ALG14: variants seen among roughly 807,000 people sequenced by gnomAD.
ALG14 encodes ALG14 UDP-N-acetylglucosaminyltransferase subunit.
ALG14 carries 17 observed loss-of-function variants against 22.8 expected under a neutral mutation model. That is an observed-to-expected ratio of 0.75 (90% CI 0.51 to 1.12). ALG14 has a LOEUF of 1.12. Among genes scored for constraint, ALG14 ranks in the 50% most tolerant of loss-of-function variants. The pLI, the probability that ALG14 is intolerant of heterozygous loss-of-function variation, is 0.00. For synonymous variants in ALG14, 89 were observed against 103.7 expected, an observed-to-expected ratio of 0.86 and a Z score of 0.86; for missense variants, 288 against 271.8, an observed-to-expected ratio of 1.06 and a Z score of -0.42.
At chr1:95,067,418 G>A (rs1412060883) in intron 1 of ALG14, 1 of 152,216 alleles carries the variant, frequency 6.6e-6, no homozygotes, top group Non-Finnish European at 1.5e-5. Flanking sequence ...CTCGGCATGT[G>A]TGTTCCACAC....
chr1:95,026,916 C>T lies in ALG14; in HGVS notation c.420+213G>A, dbSNP rs149850028. ...CTATTTCAGGTGCTATAATGAGATA[C>T]GATAAACTGGGTGGCTTATAAAGAA... On this transcript the variant is annotated intron_variant, in intron 3 of 3. Coordinates refer to ENST00000370205, the MANE Select transcript of ALG14 (RefSeq NM_144988.4). 4.2e-3 allele frequency among the ~76,000 whole-genome samples: 645 copies of T among 152,220 alleles called. 2 individuals carry two copies. Among genetic ancestry groups the T allele is most frequent in the African/African-American group, 0.015 (612 of 41,510 alleles).
chr1:95,064,523 T>C (rs1675284789), intron 2 of ALG14, among the ~76,000 whole-genome samples: 1 of 152,198 alleles, frequency 6.6e-6, no homozygotes, highest in African/African-American at 2.4e-5. Flanking sequence ...GCCTTTTCTG[T>C]GTCTATTGAG....
Position 94,975,999 on chromosome 1 carries a change from A to C in ALG14, c.*7077T>G, listed in dbSNP as rs1438753740. ...GCCACTGCACTTCAGCCTGGGCAACAGAGCGAGACTCTGTCTCAAAAAAAA... is the reference window on the plus strand; with the variant it reads ...GCCACTGCACTTCAGCCTGGGCAACCGAGCGAGACTCTGTCTCAAAAAAAA... On this transcript the variant is annotated 3_prime_UTR_variant, in exon 4 of 4. Transcript: ENST00000370205. 7.0e-6 allele frequency: 1 copy of C among 143,152 alleles called. No homozygotes were observed. Among genetic ancestry groups the C allele is most frequent in the Non-Finnish European group, 1.5e-5 (1 of 66,970 alleles). The allele number at this position is 143,152 out of a possible 1,614,324, so 8.9% of individuals were successfully genotyped here. A position where few individuals can be genotyped will look rare whatever the true frequency, so the allele number is the denominator to read the frequency against.
chr1:94,980,810 T>C lies in ALG14; in HGVS notation c.*2266A>G, dbSNP rs914499988. The stretch of plus-strand genomic sequence containing the variant: ...TGAAAGATATAACATTTCTAAACTT[T>C]TGGTGATATAACACATACACATTCT... On this transcript the variant is annotated 3_prime_UTR_variant, in exon 4 of 4. Transcript: ENST00000370205. The C allele has an allele frequency of 6.6e-6, 1 of 152,224 alleles. No homozygotes were observed. Among genetic ancestry groups the C allele is most frequent in the Non-Finnish European group, 1.5e-5 (1 of 68,050 alleles). The allele number at this position is 152,224 out of a possible 1,614,324, so 9.4% of individuals were successfully genotyped here.
chr1:95,045,770 A>T (rs1038657807), intron 2 of ALG14, among the ~76,000 whole-genome samples: 3 of 142,220 alleles, frequency 2.1e-5, no homozygotes, highest in African/African-American at 5.3e-5. Flanking sequence ...ATATACTAAT[A>T]GAATGGCATA....
chr1:95,061,296 C>T (rs560189973), intron 2 of ALG14, among the ~76,000 whole-genome samples: 1 of 152,220 alleles, frequency 6.6e-6, no homozygotes, highest in South Asian at 2.1e-4. Context: ...AAAACAAAAA[C>T]GAAATCACTT....
At chr1:95,002,451 C>T (rs771641745) in intron 3 of ALG14, among the ~76,000 whole-genome samples, 23 of 152,088 alleles carry the variant, frequency 1.5e-4, no homozygotes, top group Middle Eastern at 3.4e-3. Flanking sequence ...AACATAAAAA[C>T]GCCAGGACAG....
chr1:95,031,845 G>C (rs938212836), intron 2 of ALG14, among the ~76,000 whole-genome samples: 1 of 152,166 alleles, frequency 6.6e-6, no homozygotes, highest in African/African-American at 2.4e-5. Context: ...TTTAGCTCTT[G>C]TCATCCAGGC....
chr1:95,017,599 AAGAG>A (rs1331994155), intron 3 of ALG14, among the ~76,000 whole-genome samples: 1 of 151,664 alleles, frequency 6.6e-6, no homozygotes, highest in Non-Finnish European at 1.5e-5. Context: ...GAGAGGAAGA[AAGAG>A]AAAGAACAGT....
At position 94,992,099 on chromosome 1, in the gene ALG14, A is replaced by T. The variant is rs565373728; in HGVS notation, c.421-8793T>A. On this transcript the variant is annotated intron_variant, in intron 3 of 3. Transcript: ENST00000370205. ...GTTTTACAGTTAATCTTTTTTTTTT[A>T]AATAAGTAGAAAGAGTACACTATAA... Among the ~76,000 whole-genome samples, 52 of 152,104 alleles carry T rather than the reference A, an allele frequency of 3.4e-4. No homozygotes were observed. The South Asian group carries it at 6.0e-3, about 18-fold the overall frequency.
chr1:94,985,013 G>A (rs889124569), intron 3 of ALG14, among the ~76,000 whole-genome samples: 2 of 152,060 alleles, frequency 1.3e-5, no homozygotes, highest in Admixed American at 1.3e-4. Flanking sequence ...GTGAGCACAA[G>A]CAAGTTGTAT....
At chr1:95,000,497 C>G (rs900510085) in intron 3 of ALG14, among the ~76,000 whole-genome samples, 6 of 134,744 alleles carry the variant, frequency 4.5e-5, no homozygotes, top group African/African-American at 1.7e-4. Context: ...GTTCATGGCA[C>G]TATACTCCAG....
intron 3 of ALG14, among the ~76,000 whole-genome samples, chr1:95,015,872 T>C (rs1439858018): frequency 2.0e-5 from 3 of 152,094 alleles, no homozygotes; most frequent in African/African-American, 4.8e-5. Flanking sequence ...GTGTAGACAT[T>C]CCGTGGTCTA....
intron 2 of ALG14, among the ~76,000 whole-genome samples, chr1:95,039,287 GAAATACCAGTCTAGTAATT>G (rs1674307452): frequency 6.6e-6 from 1 of 152,158 alleles, no homozygotes; most frequent in Non-Finnish European, 1.5e-5. Flanking sequence ...ATGCATTCAA[GAAATACCAGTCTAGTAATT>G]ATGAAGAGAA....
intron 3 of ALG14, among the ~76,000 whole-genome samples, chr1:95,006,374 T>A (rs1673220619): frequency 6.6e-6 from 1 of 151,874 alleles, no homozygotes; most frequent in African/African-American, 2.4e-5. Flanking sequence ...CATTTTAGGA[T>A]AGGAAAAGGC....
At chr1:95,000,041 C>T in intron 3 of ALG14, among the ~76,000 whole-genome samples, 1 of 152,252 alleles carries the variant, frequency 6.6e-6, no homozygotes, top group Middle Eastern at 3.4e-3. Context: ...TATGTCATCA[C>T]TTATCGTCAA....
At chr1:95,013,811 A>G (rs1673433977) in intron 3 of ALG14, among the ~76,000 whole-genome samples, 2 of 151,774 alleles carry the variant, frequency 1.3e-5, no homozygotes, top group Non-Finnish European at 2.9e-5. Context: ...AGTAGACTAG[A>G]CTCCAGCTTG....
chr1:95,005,410 C>T (rs763335074), intron 3 of ALG14, among the ~76,000 whole-genome samples: 9 of 146,456 alleles, frequency 6.1e-5, no homozygotes, highest in Non-Finnish European at 1.3e-4. Context: ...AAGCCAGAAA[C>T]GAAATGGTCT....
chr1:94,982,903 A>G lies in ALG14; in HGVS notation c.*173T>C. The G allele has an allele frequency of 1.6e-6, 1 of 607,884 alleles. No homozygotes were observed. The allele number at this position is 607,884 out of a possible 1,614,324, so 37.7% of individuals were successfully genotyped here. A position where few individuals can be genotyped will look rare whatever the true frequency, so the allele number is the denominator to read the frequency against. On this transcript the variant is annotated 3_prime_UTR_variant, in exon 4 of 4. Coordinates refer to ENST00000370205, the MANE Select transcript of ALG14 (RefSeq NM_144988.4). Reference sequence around the variant, plus strand: ...TTACGTTTATCAATGTTTGTTTCATAAGAGAAGCCTCAGTTTCTTCACTGA... The same window carrying G: ...TTACGTTTATCAATGTTTGTTTCATGAGAGAAGCCTCAGTTTCTTCACTGA...
Sources: gnomAD v4.1 joint callset for allele counts (sites outside exome capture counted in the v4.1 genomes callset) on GRCh38, gnomAD v4.1.1 for gene constraint, MANE v1.5 for transcripts, NCBI Gene and HGNC (gene_info 2026-07-23, HGNC 2026-07-21) for gene names.